ANKRD45: variants seen among roughly 807,000 people sequenced by gnomAD.
ANKRD45 encodes the protein ankyrin repeat domain 45.
A neutral mutation model predicts 28.1 loss-of-function variants in ANKRD45; 21 were observed. The observed-to-expected ratio is 0.75, with a 90% CI of 0.53 to 1.08. ANKRD45 has a LOEUF of 1.08. Among genes scored for constraint, ANKRD45 ranks in the 50% least tolerant of loss-of-function variants. ANKRD45 has a pLI of 0.00. For synonymous variants in ANKRD45, 86 were observed against 103.9 expected, an observed-to-expected ratio of 0.83 and a Z score of 1.05; for missense variants, 261 against 308.7, an observed-to-expected ratio of 0.85 and a Z score of 1.16.
At chr1:173,666,592 TAATGAC>T (rs1197879732) in intron 1 of ANKRD45, among the ~76,000 whole-genome samples, 2 of 152,116 alleles carry the variant, frequency 1.3e-5, no homozygotes, top group African/African-American at 4.8e-5. Context: ...GCTTAGGGAA[TAATGAC>T]AAGAGAAAAA....
the ANKRD45 span, among the ~76,000 whole-genome samples, chr1:173,690,295 G>T: frequency 6.6e-6 from 1 of 152,164 alleles, no homozygotes; most frequent in Admixed American, 6.5e-5. Flanking sequence ...GAGTAGAGGG[G>T]GAATTTGGAA....
the ANKRD45 span, among the ~76,000 whole-genome samples, chr1:173,713,286 T>A: frequency 6.6e-6 from 1 of 152,214 alleles, no homozygotes; most frequent in Admixed American, 6.5e-5. Context: ...GAGAAAATTA[T>A]AGCAGTGGAG....
chr1:173,711,573 C>T, the ANKRD45 span, among the ~76,000 whole-genome samples: 1 of 152,170 alleles, frequency 6.6e-6, no homozygotes, highest in African/African-American at 2.4e-5. Flanking sequence ...CAAGTTTGCC[C>T]TAAGCAGTTC....
intron 3 of ANKRD45, among the ~76,000 whole-genome samples, chr1:173,628,995 T>C (rs1302146702): frequency 6.6e-6 from 1 of 152,236 alleles, no homozygotes. Context: ...TTCTGCCTGA[T>C]AATCCAGGGC....
At chr1:173,687,985 T>C in the ANKRD45 span, among the ~76,000 whole-genome samples, 21 of 144,752 alleles carry the variant, frequency 1.5e-4, no homozygotes, top group African/African-American at 5.5e-4. Flanking sequence ...TAATGTTGAA[T>C]CTTTTTTTTT....
chr1:173,632,058 T>C (rs1340975591), intron 3 of ANKRD45, among the ~76,000 whole-genome samples: 1 of 151,704 alleles, frequency 6.6e-6, no homozygotes. Flanking sequence ...GAAAAGTTGG[T>C]TTTTTGAAAA....
In ANKRD45 at chr1:173,627,053, A is replaced by G. The variant is rs1191814852; in HGVS notation, c.591+12T>C. 1 of 1,568,952 alleles carries G rather than the reference A, an allele frequency of 6.4e-7. No individual in the cohort carries two copies. The highest frequency in any genetic ancestry group is 1.4e-5 in the African/African-American group (1 of 71,790). On this transcript the variant is annotated intron_variant, in intron 4 of 5. Coordinates refer to ENST00000333279, the MANE Select transcript of ANKRD45 (RefSeq NM_198493.3). ...AAACACTACAGAACAAGCAATAATC[A>G]CAATACAGTACCTTGTCTTCCTTAA...
intron 1 of ANKRD45, among the ~76,000 whole-genome samples, chr1:173,661,048 TTA>T (rs146552034): frequency 6.6e-6 from 1 of 151,712 alleles, no homozygotes; most frequent in Non-Finnish European, 1.5e-5. Context: ...ATCCAAAAGA[TTA>T]TATATATATA....
At chr1:173,680,434 C>T in the ANKRD45 span, among the ~76,000 whole-genome samples, 1 of 151,568 alleles carries the variant, frequency 6.6e-6, no homozygotes, top group Non-Finnish European at 1.5e-5. Flanking sequence ...CAAACTAACA[C>T]AAGAACAGAA....
the ANKRD45 span, among the ~76,000 whole-genome samples, chr1:173,685,692 G>A: frequency 6.6e-6 from 1 of 152,092 alleles, no homozygotes; most frequent in African/African-American, 2.4e-5. Context: ...TCCATTGTGA[G>A]AGGTTTTGGA....
rs1171033476 is a variant in ANKRD45 at position 173,627,088 on chromosome 1, C to T, written c.568G>A (p.Gly190Arg). Residue 190 changes from glycine (G) to arginine (R), a missense_variant, in exon 4 of 6, where the codon GGG becomes AGG. By Grantham distance (125) the Gly-to-Arg change is moderately radical. Transcript: ENST00000333279. ...ACCTTGTCTTCCTTAAGGAGTTTCCCTGATCCCTTTTCTGTGTCAGTAACA... is the reference window on the plus strand; with the variant it reads ...ACCTTGTCTTCCTTAAGGAGTTTCCTTGATCCCTTTTCTGTGTCAGTAACA... Reference protein sequence around the residue: ...LAVTDTEKGSGKLLKEDKNTI... With the variant: ...LAVTDTEKGSRKLLKEDKNTI... The T allele has an allele frequency of 1.2e-6, 2 of 1,611,622 alleles. No individual in the cohort carries two copies. The highest frequency in any genetic ancestry group is 2.7e-5 in the African/African-American group (2 of 74,282).
At chr1:173,707,683 C>T in the ANKRD45 span, among the ~76,000 whole-genome samples, 2,749 of 152,216 alleles carry the variant, frequency 0.018, 35 homozygotes, top group Middle Eastern at 0.071. Context: ...ATTATTTTTA[C>T]GCTTTCATTA....
chr1:173,670,025 G>C (rs899818553), upstream of ANKRD45, among the ~76,000 whole-genome samples: 1 of 152,186 alleles, frequency 6.6e-6, no homozygotes, highest in African/African-American at 2.4e-5. Flanking sequence ...TAAATTTTCT[G>C]TAATAAGGTA....
the ANKRD45 span, among the ~76,000 whole-genome samples, chr1:173,677,205 T>A: frequency 1.3e-5 from 2 of 151,754 alleles, no homozygotes; most frequent in Admixed American, 1.3e-4. Context: ...GGTGCAAAAC[T>A]TTTATTTTGA....
chr1:173,657,980 T>G (rs2102385447), intron 2 of ANKRD45: 1 of 152,266 alleles, frequency 6.6e-6, no homozygotes, highest in Non-Finnish European at 1.5e-5. Flanking sequence ...TGTTGTCACT[T>G]AAACATTTCA....
chr1:173,661,464 G>A (rs1246283017), intron 1 of ANKRD45, among the ~76,000 whole-genome samples: 1 of 152,130 alleles, frequency 6.6e-6, no homozygotes, highest in African/African-American at 2.4e-5. Flanking sequence ...AAAAGAGGCT[G>A]GGATTGCATC....
At chr1:173,650,107 T>C (rs1669114434) in intron 2 of ANKRD45, among the ~76,000 whole-genome samples, 1 of 152,222 alleles carries the variant, frequency 6.6e-6, no homozygotes, top group Non-Finnish European at 1.5e-5. Flanking sequence ...TTACAATTCT[T>C]ATTTTATTAT....
At chr1:173,710,322 G>A in the ANKRD45 span, among the ~76,000 whole-genome samples, 2 of 152,232 alleles carry the variant, frequency 1.3e-5, no homozygotes, top group Non-Finnish European at 2.9e-5. Flanking sequence ...GGGGCATGAA[G>A]CAGAAGAGAT....
At chr1:173,623,951 G>T (rs1193709519) in intron 5 of ANKRD45, among the ~76,000 whole-genome samples, 1 of 122,006 alleles carries the variant, frequency 8.2e-6, no homozygotes, top group Non-Finnish European at 1.7e-5. Flanking sequence ...ATACACTGTG[G>T]GGGTGGGGGG....
Sources: gnomAD v4.1 joint callset for allele counts (sites outside exome capture counted in the v4.1 genomes callset) on GRCh38, gnomAD v4.1.1 for gene constraint, MANE v1.5 for transcripts, NCBI Gene and HGNC (gene_info 2026-07-23, HGNC 2026-07-21) for gene names.